SLC66A2: variants seen among roughly 807,000 people sequenced by gnomAD.
The protein encoded by SLC66A2 is solute carrier family 66 member 2, also known as PQ loop repeat containing 1.
SLC66A2 carries 23 observed loss-of-function variants against 25.5 expected under a neutral mutation model. The ratio of observed to expected loss-of-function variants is 0.90; its 90% CI spans 0.65 to 1.28. The LOEUF is 1.28. Among genes scored for constraint, SLC66A2 ranks in the 50% most tolerant of loss-of-function variants. SLC66A2 has a pLI of 0.00. For missense variants in SLC66A2, 396 were observed against 373.1 expected (o/e 1.06, Z -0.51); for synonymous variants, 193 against 166.5 (o/e 1.16, Z -1.23).
chr18:79,907,631 G>A (rs1421366386), intron 5 of SLC66A2, among the ~76,000 whole-genome samples: 6 of 152,088 alleles, frequency 3.9e-5, no homozygotes, highest in African/African-American at 9.7e-5. Context: ...GATTACAGGC[G>A]TGAGCCACCG....
At position 79,934,023 on chromosome 18, in the gene SLC66A2, C is replaced by G. The variant is rs1345733237; in HGVS notation, c.338-1G>C. 1 of 1,611,508 alleles carries G rather than the reference C, an allele frequency of 6.2e-7. No homozygotes were observed. Among genetic ancestry groups the G allele is most frequent in the Non-Finnish European group, 8.5e-7 (1 of 1,179,220 alleles). ...ACTTCTTCATCCTTGCTATCTGCAG[C>G]TACACGTTAAAAAGGGAGACAGAAA... On this transcript the variant is annotated splice_acceptor_variant, in intron 3 of 5. Coordinates refer to ENST00000397778, the MANE Select transcript of SLC66A2 (RefSeq NM_025078.5). LOFTEE classifies it high-confidence loss of function.
At chr18:79,948,988 A>AG in intron 2 of SLC66A2, among the ~76,000 whole-genome samples, 1 of 152,204 alleles carries the variant, frequency 6.6e-6, no homozygotes, top group Admixed American at 6.5e-5. Flanking sequence ...GCGATGGGAA[A>AG]GAAAGAAGGA....
At position 79,918,783 on chromosome 18, in the gene SLC66A2, C is replaced by T. The variant is rs142655235; in HGVS notation, c.608+401G>A. ...CGTGCTGGGGCCAGTGGGGAAAGACCGAGGACAGTGTCCAAGGCAGCCCCC... is the reference window on the plus strand; with the variant it reads ...CGTGCTGGGGCCAGTGGGGAAAGACTGAGGACAGTGTCCAAGGCAGCCCCC... On this transcript the variant is annotated intron_variant, in intron 5 of 5. Transcript: ENST00000397778. This position sits in a 1 kb window ranked among gnomAD's most constrained non-coding sequence, Gnocchi z 4.0. 2.8e-4 allele frequency among the ~76,000 whole-genome samples: 43 copies of T among 152,308 alleles called. 1 individual carries two copies. The highest frequency in any genetic ancestry group is 9.9e-4 in the African/African-American group (41 of 41,560).
At chr18:79,932,594 G>A (rs1351321604) in intron 4 of SLC66A2, among the ~76,000 whole-genome samples, 1 of 152,082 alleles carries the variant, frequency 6.6e-6, no homozygotes, top group African/African-American at 2.4e-5. Flanking sequence ...AAGGAAAGGA[G>A]GGGATCAAAT....
rs1164049024 is a variant in SLC66A2, at chr18:79,918,448, C to T, written c.608+736G>A. ...GGGGGGGTCCCCAGTGAGGAGCGGGCACCGGGGAGGGTCCCCAGTGAGGAG... is the reference window on the plus strand; with the variant it reads ...GGGGGGGTCCCCAGTGAGGAGCGGGTACCGGGGAGGGTCCCCAGTGAGGAG... On this transcript the variant is annotated intron_variant, in intron 5 of 5. Coordinates refer to ENST00000397778, the MANE Select transcript of SLC66A2 (RefSeq NM_025078.5). This position sits in a 1 kb window ranked among gnomAD's most constrained non-coding sequence, Gnocchi z 4.0. Among the ~76,000 whole-genome samples the T allele has an allele frequency of 7.1e-6, 1 of 141,320 alleles. No individual in the cohort carries two copies. The highest frequency in any genetic ancestry group is 1.6e-5 in the Non-Finnish European group (1 of 64,248). The allele number at this position is 141,320 out of a possible 152,430, so 92.7% of individuals were successfully genotyped here. A position where few individuals can be genotyped will look rare whatever the true frequency, so the allele number is the denominator to read the frequency against.
chr18:79,934,608 C>T (rs1986898346), intron 3 of SLC66A2, among the ~76,000 whole-genome samples: 1 of 152,218 alleles, frequency 6.6e-6, no homozygotes, highest in Admixed American at 6.5e-5. Flanking sequence ...CCAGCACTGG[C>T]AATGACAGGT....
chr18:79,933,747 C>T (rs1986798235), intron 4 of SLC66A2, among the ~76,000 whole-genome samples: 2 of 152,176 alleles, frequency 1.3e-5, no homozygotes, highest in Non-Finnish European at 2.9e-5. Flanking sequence ...CCTTCCCGCC[C>T]CCATCTCCCC....
intron 3 of SLC66A2, 108 bp downstream of exon 3, chr18:79,943,221 T>C (rs1405669512): frequency 5.8e-6 from 8 of 1,375,094 alleles, no homozygotes; most frequent in African/African-American, 1.5e-5. Flanking sequence ...CACCACTTGG[T>C]GAAATGAAAG....
Position 79,927,164 on chromosome 18 carries a change from C to CA in SLC66A2, c.391+6804dup, listed in dbSNP as rs1049475993. Among the ~76,000 whole-genome samples, 18 of 152,242 alleles carry CA rather than the reference C, an allele frequency of 1.2e-4. No homozygotes were observed. The highest frequency in any genetic ancestry group is 4.3e-4 in the African/African-American group (18 of 41,460). On this transcript the variant is annotated intron_variant, in intron 4 of 5. Transcript: ENST00000397778. This position sits in a 1 kb window ranked among gnomAD's most constrained non-coding sequence, Gnocchi z 6.2. ...CTCCACCCCACTCCAGCTGAGCAGG[C>CA]AGAGCCTGTCCTTGGAAACGGCCCG...
At chr18:79,935,902 T>C (rs894156932) in intron 3 of SLC66A2, among the ~76,000 whole-genome samples, 4 of 152,250 alleles carry the variant, frequency 2.6e-5, no homozygotes, top group African/African-American at 7.2e-5. Flanking sequence ...AGACCAGCTA[T>C]TCTTGCCAAG....
intron 4 of SLC66A2, among the ~76,000 whole-genome samples, chr18:79,925,401 C>T (rs762895663): frequency 3.3e-5 from 5 of 152,222 alleles, no homozygotes; most frequent in Non-Finnish European, 7.3e-5. Context: ...ACTCACACGC[C>T]GTGACTTCCC....
intron 3 of SLC66A2, among the ~76,000 whole-genome samples, chr18:79,934,591 C>A (rs1359941083): frequency 2.0e-5 from 3 of 152,216 alleles, no homozygotes; most frequent in Non-Finnish European, 2.9e-5. Flanking sequence ...CCAGCACCCT[C>A]CAGGGCCCAG....
chr18:79,912,054 TAGC>T (rs1482698822), intron 5 of SLC66A2, among the ~76,000 whole-genome samples: 1 of 84,192 alleles, frequency 1.2e-5, no homozygotes, highest in Middle Eastern at 0.011. Context: ...AGGGGAACAG[TAGC>T]AGGAGGGGAT....
rs1158077489 is a variant in SLC66A2, at chr18:79,904,755, G to A, written c.609-572C>T. On this transcript the variant is annotated intron_variant, in intron 5 of 5. Coordinates refer to ENST00000397778, the MANE Select transcript of SLC66A2 (RefSeq NM_025078.5). The surrounding 1 kb of genome is among the most constrained non-coding windows in gnomAD (Gnocchi z 6.3). ...TTCCTGGAGTGAACAGGGAGCAGCCGCCACCCACCATCCCAGTCCGAACAC... is the reference window on the plus strand; with the variant it reads ...TTCCTGGAGTGAACAGGGAGCAGCCACCACCCACCATCCCAGTCCGAACAC... 1.3e-5 allele frequency among the ~76,000 whole-genome samples: 2 copies of A among 152,154 alleles called. No homozygotes were observed. Among genetic ancestry groups the A allele is most frequent in the African/African-American group, 2.4e-5 (1 of 41,428 alleles).
In SLC66A2 at chr18:79,902,438, T is replaced by C. The variant is rs1981335571; in HGVS notation, c.*1538A>G. 6.6e-6 allele frequency: 1 copy of C among 152,288 alleles called. No individual in the cohort carries two copies. Among genetic ancestry groups the C allele is most frequent in the African/African-American group, 2.4e-5 (1 of 41,460 alleles). 9.4% of individuals were successfully genotyped at this position (152,288 alleles called of 1,614,324 possible). On this transcript the variant is annotated 3_prime_UTR_variant, in exon 6 of 6. Transcript: ENST00000397778. ...GGCCAACTCAGGATCCACAAATGGT[T>C]TATTGATTCCAAGTCGCCACACAGG...
intron 3 of SLC66A2, among the ~76,000 whole-genome samples, chr18:79,936,010 A>G (rs1340574719): frequency 1.3e-5 from 2 of 152,236 alleles, no homozygotes; most frequent in Admixed American, 6.5e-5. Context: ...CTGGAACAAG[A>G]GAGACACAAC....
intron 4 of SLC66A2, among the ~76,000 whole-genome samples, chr18:79,930,940 G>C (rs1209747344): frequency 6.6e-6 from 1 of 152,150 alleles, no homozygotes; most frequent in Non-Finnish European, 1.5e-5. Flanking sequence ...CATTTAAAAA[G>C]GGAGGAGGAA....
intron 2 of SLC66A2, among the ~76,000 whole-genome samples, chr18:79,950,058 G>A (rs955180813): frequency 1.3e-5 from 2 of 152,146 alleles, no homozygotes; most frequent in Non-Finnish European, 2.9e-5. Context: ...TTTAAATAAG[G>A]CAGGCCAGGC....
At chr18:79,910,196 ATCC>A (rs1377714471) in intron 5 of SLC66A2, among the ~76,000 whole-genome samples, 1 of 67,300 alleles carries the variant, frequency 1.5e-5, no homozygotes, top group African/African-American at 6.2e-5. Context: ...CCTTCCCCAC[ATCC>A]TCACCATAGA....
Sources: gnomAD v4.1 joint callset for allele counts (sites outside exome capture counted in the v4.1 genomes callset) on GRCh38, gnomAD v4.1.1 for gene constraint, Gnocchi (gnomAD v3.1) non-coding constraint, MANE v1.5 for transcripts, NCBI Gene and HGNC (gene_info 2026-07-23, HGNC 2026-07-21) for gene names.